Variants in PLXNA2 observed in about 807,000 individuals in gnomAD.
PLXNA2 encodes the protein plexin A2.
PLXNA2 carries 91 observed loss-of-function variants against 193.5 expected under a neutral mutation model. The observed-to-expected ratio is 0.47, with a 90% CI of 0.40 to 0.56. The LOEUF (loss-of-function observed/expected upper bound fraction) is 0.56. PLXNA2 is among the 20% of genes least tolerant of loss of function. The pLI is 0.00. For missense variants in PLXNA2, 1,995 were observed against 2,503.2 expected (o/e 0.80, Z 4.33); for synonymous variants, 997 against 1,027.3 (o/e 0.97, Z 0.56).
intron 28 of PLXNA2, chr1:208,032,085 C>T (rs2102301328): frequency 1.0e-6 from 1 of 985,358 alleles, no homozygotes; most frequent in African/African-American, 1.7e-5. Context: ...TGAGGGGGCA[C>T]AGGCTGCAAG....
rs756691892 is a variant in PLXNA2, at chr1:208,084,458, G to A, written c.2220C>T (p.Val740=). The change falls in exon 10 of 32, where the codon GTC becomes GTT. Residue 740 remains valine (V), a synonymous_variant. Transcript: ENST00000367033. The part of the protein sequence containing the change: ...PQSGQRGYEC[V]LNIQGAIHRV... ...GGTGGATGGCTCCTTGTATGTTGAG[G>A]ACACACTCATAGCCTCGCTGGCCGG... 6.2e-7 allele frequency: 1 copy of A among 1,614,260 alleles called. No homozygotes were observed. The highest frequency in any genetic ancestry group is 2.2e-5 in the East Asian group (1 of 44,886).
intron 3 of PLXNA2, among the ~76,000 whole-genome samples, chr1:208,172,483 C>T (rs1397063291): frequency 6.6e-6 from 1 of 152,196 alleles, no homozygotes; most frequent in Non-Finnish European, 1.5e-5. Flanking sequence ...GCCCACAGCA[C>T]TGCCCCCATC....
chr1:208,092,119 A>C (rs1666733922), intron 9 of PLXNA2, among the ~76,000 whole-genome samples: 1 of 152,242 alleles, frequency 6.6e-6, no homozygotes, highest in Non-Finnish European at 1.5e-5. Context: ...ATATATAAGA[A>C]AGTAGACTTC....
chr1:208,164,852 C>T (rs755063919), intron 3 of PLXNA2, among the ~76,000 whole-genome samples: 7 of 152,180 alleles, frequency 4.6e-5, no homozygotes, highest in Non-Finnish European at 7.3e-5. Flanking sequence ...TCTCTTATCT[C>T]GCCGGGACCC....
At chr1:208,128,519 C>T (rs1553284483) in intron 4 of PLXNA2, among the ~76,000 whole-genome samples, 2 of 151,726 alleles carry the variant, frequency 1.3e-5, no homozygotes, top group Admixed American at 1.3e-4. Flanking sequence ...AGAGAGGATA[C>T]GCTAGGCCAT....
intron 3 of PLXNA2, among the ~76,000 whole-genome samples, chr1:208,182,676 G>A (rs532285618): frequency 1.3e-5 from 2 of 151,984 alleles, no homozygotes; most frequent in South Asian, 2.1e-4. Flanking sequence ...TAGCAAAACA[G>A]GGGCTCTCCT....
At chr1:208,187,592 A>C (rs1440823529) in intron 3 of PLXNA2, among the ~76,000 whole-genome samples, 2 of 152,176 alleles carry the variant, frequency 1.3e-5, no homozygotes, top group Non-Finnish European at 2.9e-5. Context: ...AAGATAAAAA[A>C]TTTTTTAGAG....
At chr1:208,211,321 G>A (rs1248766865) in intron 2 of PLXNA2, among the ~76,000 whole-genome samples, 1 of 152,180 alleles carries the variant, frequency 6.6e-6, no homozygotes, top group African/African-American at 2.4e-5. Context: ...CCTTTAAGGA[G>A]AGTGGTGGTG....
Position 208,096,898 on chromosome 1 carries a change from A to G in PLXNA2, c.1732-15T>C, listed in dbSNP as rs777126294. 5 of 1,610,140 alleles carry G rather than the reference A, an allele frequency of 3.1e-6. No homozygotes were observed. Among genetic ancestry groups the G allele is most frequent in the Non-Finnish European group, 4.2e-6 (5 of 1,178,724 alleles). On this transcript the variant is annotated splice_polypyrimidine_tract_variant and intron_variant, in intron 6 of 31. Transcript: ENST00000367033. ...ACCAGGCTAAGCTGTGGGAGGAGCAAAGAGATGATGCCAAAGAAATGCCTC... is the reference window on the plus strand; with the variant it reads ...ACCAGGCTAAGCTGTGGGAGGAGCAGAGAGATGATGCCAAAGAAATGCCTC...
chr1:208,112,583 A>T (rs4844643), intron 4 of PLXNA2, among the ~76,000 whole-genome samples: 152,177 of 152,332 alleles, frequency 1, 76,012 homozygotes, highest in Middle Eastern at 1. Context: ...TGGCAGTGCT[A>T]GCATGGAAAA....
intron 12 of PLXNA2, among the ~76,000 whole-genome samples, chr1:208,078,464 A>C (rs1666229333): frequency 6.6e-6 from 1 of 152,182 alleles, no homozygotes; most frequent in Non-Finnish European, 1.5e-5. Context: ...GAAAAGGAGC[A>C]GCCTCTTCCT....
chr1:208,122,231 G>T (rs1038634359), intron 4 of PLXNA2, among the ~76,000 whole-genome samples: 4 of 152,138 alleles, frequency 2.6e-5, no homozygotes, highest in Non-Finnish European at 5.9e-5. Flanking sequence ...CCTAGATACT[G>T]CAGTTTGGAA....
At chr1:208,097,984 C>T (rs772774052) in intron 6 of PLXNA2, among the ~76,000 whole-genome samples, 14 of 152,264 alleles carry the variant, frequency 9.2e-5, no homozygotes, top group Non-Finnish European at 1.5e-4. Context: ...GGATTACAGG[C>T]GTGAGCCACC....
intron 1 of PLXNA2, among the ~76,000 whole-genome samples, chr1:208,228,712 C>T (rs1671591620): frequency 6.6e-6 from 1 of 152,162 alleles, no homozygotes; most frequent in Non-Finnish European, 1.5e-5. Flanking sequence ...ACCTCACTGC[C>T]CACCTCTCCC....
intron 13 of PLXNA2, among the ~76,000 whole-genome samples, chr1:208,058,627 G>A (rs1011336652): frequency 6.6e-6 from 1 of 152,138 alleles, no homozygotes; most frequent in African/African-American, 2.4e-5. Flanking sequence ...CATGGGGTGT[G>A]CTCTCTGTCT....
At position 208,028,274 on chromosome 1, in the gene PLXNA2, A is replaced by G. The variant is rs1664399562; in HGVS notation, c.5439-115T>C. On this transcript the variant is annotated intron_variant, in intron 30 of 31. Transcript: ENST00000367033. The surrounding 1 kb of genome is among the most constrained non-coding windows in gnomAD (Gnocchi z 4.2). The stretch of plus-strand genomic sequence containing the variant: ...TGTACCCAGTTGCTCCTGCCTCCCT[A>G]TTTCTCTTCTGATGTGGCTTCCTCT... 3 of 947,402 alleles carry G rather than the reference A, an allele frequency of 3.2e-6. No individual in the cohort carries two copies. Among genetic ancestry groups the G allele is most frequent in the South Asian group, 1.9e-5 (1 of 52,226 alleles). The allele number at this position is 947,402 out of a possible 1,614,324, so 58.7% of individuals were successfully genotyped here.
At chr1:208,075,723 T>C (rs187709712) in intron 12 of PLXNA2, among the ~76,000 whole-genome samples, 43 of 150,852 alleles carry the variant, frequency 2.9e-4, no homozygotes, top group Middle Eastern at 3.4e-3. Flanking sequence ...TTAGTTGGAA[T>C]CTAGTGTAAA....
At position 208,217,269 on chromosome 1, in the gene PLXNA2, G is replaced by A; in HGVS notation, c.654C>T (p.His218=). 6.2e-7 allele frequency: 1 copy of A among 1,614,182 alleles called. No homozygotes were observed. Among genetic ancestry groups the A allele is most frequent in the Non-Finnish European group, 8.5e-7 (1 of 1,180,028 alleles). The change falls in exon 2 of 32, where the codon CAC becomes CAT. Residue 218 remains histidine, a synonymous_variant. Coordinates refer to ENST00000367033, the MANE Select transcript of PLXNA2 (RefSeq NM_025179.4). The surrounding 1 kb of genome is among the most constrained non-coding windows in gnomAD (Gnocchi z 4.7). The part of the protein sequence containing the change: ...ESSAMLDYEL[H]SDFVSSLIKI... ...TGATGAGAGAGGAGACAAAATCGCT[G>A]TGTAGCTCATAGTCGAGCATGGCTG...
At position 208,209,986 on chromosome 1, in the gene PLXNA2, T is replaced by A. The variant is rs943842650; in HGVS notation, c.1371+294A>T. On this transcript the variant is annotated intron_variant, in intron 3 of 31. Coordinates refer to ENST00000367033, the MANE Select transcript of PLXNA2 (RefSeq NM_025179.4). ...CTTGATTTGGGAATGAAGAGCAATT[T>A]TTTTTTTTTTTTTTTTTTGCTTTTG... 921 of 155,438 alleles carry A rather than the reference T, an allele frequency of 5.9e-3. 76 individuals carry two copies. Among genetic ancestry groups the A allele is most frequent in the South Asian group, 0.029 (165 of 5,624 alleles). The allele number at this position is 155,438 out of a possible 1,614,324, so 9.6% of individuals were successfully genotyped here.
Sources: gnomAD v4.1 joint callset for allele counts (sites outside exome capture counted in the v4.1 genomes callset) on GRCh38, gnomAD v4.1.1 for gene constraint, Gnocchi (gnomAD v3.1) non-coding constraint, MANE v1.5 for transcripts, NCBI Gene and HGNC (gene_info 2026-07-23, HGNC 2026-07-21) for gene names.